The following MSH3 variants were observed in gnomAD, a reference collection of about 807,000 sequenced individuals.
MSH3 encodes mutS homolog 3.
MSH3 carries 106 observed loss-of-function variants against 123.3 expected under a neutral mutation model. That is an observed-to-expected ratio of 0.86 (90% CI 0.73 to 1.01). The LOEUF (loss-of-function observed/expected upper bound fraction) is 1.01, where lower values mean the gene tolerates loss of function less well. Ranked by LOEUF, MSH3 falls within the 50% of genes least tolerant of loss-of-function variation. MSH3 has a pLI of 0.00. For synonymous variants in MSH3, 515 were observed against 481.4 expected (o/e 1.07, Z -0.91); for missense variants, 1,459 against 1,347.6 (o/e 1.08, Z -1.29).
intron 20 of MSH3, among the ~76,000 whole-genome samples, chr5:80,829,574 T>A (rs972672211): frequency 2.0e-5 from 3 of 152,226 alleles, no homozygotes; most frequent in African/African-American, 7.2e-5. Flanking sequence ...TCTTGCACAC[T>A]TAGGATGAGT....
At chr5:80,805,296 A>T (rs1209014965) in intron 19 of MSH3, among the ~76,000 whole-genome samples, 1 of 152,204 alleles carries the variant, frequency 6.6e-6, no homozygotes, top group Non-Finnish European at 1.5e-5. Context: ...GGAAACAAAC[A>T]TAGTGATCAG....
At chr5:80,833,352 C>G (rs965988017) in intron 20 of MSH3, among the ~76,000 whole-genome samples, 9 of 152,154 alleles carry the variant, frequency 5.9e-5, no homozygotes, top group Non-Finnish European at 8.8e-5. Flanking sequence ...GTGGAATTCC[C>G]TAAATCTCTA....
intron 12 of MSH3, among the ~76,000 whole-genome samples, chr5:80,747,480 A>G (rs897014179): frequency 6.6e-6 from 1 of 152,180 alleles, no homozygotes; most frequent in Non-Finnish European, 1.5e-5. Context: ...AAACAAACAC[A>G]CGAACCTTTT....
chr5:80,841,210 C>T (rs1745617715), intron 20 of MSH3, among the ~76,000 whole-genome samples: 1 of 152,110 alleles, frequency 6.6e-6, no homozygotes, highest in Non-Finnish European at 1.5e-5. Context: ...CAGCTTCATC[C>T]ATGTTCCTAC....
chr5:80,805,017 A>C (rs989544882), intron 19 of MSH3, among the ~76,000 whole-genome samples: 2 of 152,250 alleles, frequency 1.3e-5, no homozygotes, highest in African/African-American at 4.8e-5. Context: ...AGAATGACTT[A>C]CCTTGTAATG....
chr5:80,658,035 C>CCATTT lies in MSH3; in HGVS notation c.358+1504_358+1505insCATTT, dbSNP rs369384745. On this transcript the variant is annotated intron_variant, in intron 2 of 23. Coordinates refer to ENST00000265081, the MANE Select transcript of MSH3 (RefSeq NM_002439.5). ...ATTTTTCCTAAGAATGCTTTTTGCC[C>CCATTT]TCTTTTTTTTTTTTTGAGATAGGGT... Among the ~76,000 whole-genome samples the CCATTT allele has an allele frequency of 1.0e-4, 9 of 87,218 alleles. 1 individual carries two copies. Among genetic ancestry groups the CCATTT allele is most frequent in the Admixed American group, 2.4e-4 (2 of 8,408 alleles). The allele number at this position is 87,218 out of a possible 152,430, so 57.2% of individuals were successfully genotyped here.
chr5:80,850,568 C>G (rs245355), intron 20 of MSH3, among the ~76,000 whole-genome samples: 106,976 of 151,952 alleles, frequency 0.7, 37,676 homozygotes, highest in South Asian at 0.8. Context: ...AGAGATTGTG[C>G]TGGGAAACTC....
chr5:80,748,354 G>A (rs1342640004), intron 12 of MSH3, among the ~76,000 whole-genome samples: 1 of 152,098 alleles, frequency 6.6e-6, no homozygotes, highest in Non-Finnish European at 1.5e-5. Context: ...AATTTTAATA[G>A]TGACTTTTAG....
rs567550635 is a variant in MSH3 at position 80,802,409 on chromosome 5, T to G, written c.2655+9565T>G. On this transcript the variant is annotated intron_variant, in intron 19 of 23. Transcript: ENST00000265081. ...TGCCATGGTACCTCACAGAATTGATTCTTTAAAAAAACAAAACAAAAATTG... is the reference window on the plus strand; with the variant it reads ...TGCCATGGTACCTCACAGAATTGATGCTTTAAAAAAACAAAACAAAAATTG... 2.0e-5 allele frequency among the ~76,000 whole-genome samples: 3 copies of G among 149,352 alleles called. No homozygotes were observed. In the East Asian group the frequency reaches 6.4e-4, roughly 32 times the overall value.
At chr5:80,857,670 G>C (rs1408282925) in intron 21 of MSH3, among the ~76,000 whole-genome samples, 2 of 152,128 alleles carry the variant, frequency 1.3e-5, no homozygotes, top group South Asian at 4.1e-4. Context: ...TACCAGATTT[G>C]TGGACATAGA....
At chr5:80,800,757 C>T (rs1442980879) in intron 19 of MSH3, among the ~76,000 whole-genome samples, 2 of 152,176 alleles carry the variant, frequency 1.3e-5, no homozygotes, top group Non-Finnish European at 2.9e-5. Context: ...TTGTGCCAAG[C>T]CTTGTTCTAG....
At chr5:80,680,321 C>T (rs1275816898) in intron 8 of MSH3, among the ~76,000 whole-genome samples, 4 of 150,582 alleles carry the variant, frequency 2.7e-5, no homozygotes, top group Non-Finnish European at 4.4e-5. Context: ...TTTCTTTGTC[C>T]TTAGTGTTGT....
At position 80,654,748 on chromosome 5, in the gene MSH3, G is replaced by A. The variant is rs6151597; in HGVS notation, c.21G>A (p.Ala7=). 6.6e-3 allele frequency: 10,556 copies of A among 1,601,864 alleles called. 57 individuals carry two copies. The highest frequency in any genetic ancestry group is 0.017 in the South Asian group (1,573 of 90,262). The change falls in exon 1 of 24, where the codon GCG becomes GCA. Residue 7 remains alanine, a synonymous_variant. Coordinates refer to ENST00000265081, the MANE Select transcript of MSH3 (RefSeq NM_002439.5). ...CTGCCATGTCTCGCCGGAAGCCTGC[G>A]TCGGGCGGCCTCGCTGCCTCCAGCT... MSRRKP[A]SGGLAASSSA... is the part of the protein sequence containing the mutation.
At chr5:80,841,714 T>C (rs1222569263) in intron 20 of MSH3, among the ~76,000 whole-genome samples, 1 of 152,254 alleles carries the variant, frequency 6.6e-6, no homozygotes, top group African/African-American at 2.4e-5. Flanking sequence ...TTTTGAGAAG[T>C]GTCTGTTCAT....
intron 20 of MSH3, among the ~76,000 whole-genome samples, chr5:80,836,953 G>A (rs1745525492): frequency 6.6e-6 from 1 of 152,090 alleles, no homozygotes; most frequent in South Asian, 2.1e-4. Flanking sequence ...AAAAGTACAT[G>A]CCGTGTGTTA....
intron 10 of MSH3, among the ~76,000 whole-genome samples, chr5:80,731,840 A>T (rs1469420351): frequency 6.6e-6 from 1 of 152,222 alleles, no homozygotes; most frequent in Non-Finnish European, 1.5e-5. Context: ...TTTTATAAAC[A>T]TACTTTATGC....
chr5:80,866,641 T>C (rs1284087208), intron 22 of MSH3, among the ~76,000 whole-genome samples: 1 of 152,230 alleles, frequency 6.6e-6, no homozygotes, highest in Non-Finnish European at 1.5e-5. Context: ...GACACATTAT[T>C]GATGGACCTC....
chr5:80,747,320 AG>A (rs1743740369), intron 12 of MSH3, among the ~76,000 whole-genome samples: 1 of 152,140 alleles, frequency 6.6e-6, no homozygotes, highest in Non-Finnish European at 1.5e-5. Flanking sequence ...AGATAAATCT[AG>A]TAGACCATGT....
intron 12 of MSH3, among the ~76,000 whole-genome samples, chr5:80,755,760 G>A (rs1389044667): frequency 1.3e-5 from 2 of 152,192 alleles, no homozygotes; most frequent in African/African-American, 2.4e-5. Context: ...CAACTGCCTT[G>A]TGGGAGACAG....
Sources: allele counts gnomAD v4.1 joint callset (sites outside exome capture counted in the v4.1 genomes callset), GRCh38; gene constraint gnomAD v4.1.1; transcripts MANE v1.5; gene names NCBI Gene and HGNC (gene_info 2026-07-23, HGNC 2026-07-21).